Variants in CLEC12B observed in about 807,000 individuals in gnomAD.
The protein encoded by CLEC12B is C-type lectin domain family 12 member B, also known as macrophage antigen h.
Under a neutral mutation model 36.1 loss-of-function variants are expected in CLEC12B, and 25 were observed. The ratio of observed to expected loss-of-function variants is 0.69; its 90% confidence interval spans 0.50 to 0.97. The LOEUF is 0.97. Ranked by LOEUF, CLEC12B falls within the 50% of genes least tolerant of loss-of-function variation. The probability of loss-of-function intolerance (pLI) is 0.00; values close to 1 mark genes in which losing one functional copy is unlikely to be tolerated. For missense variants in CLEC12B, 325 were observed against 318.4 expected (o/e 1.02, Z -0.16); for synonymous variants, 110 against 108.5 (o/e 1.01, Z -0.09).
At chr12:10,012,748 A>G in intron 1 of CLEC12B, 37 bp from the exon 2 acceptor site, 1 of 1,498,768 alleles carries the variant, frequency 6.7e-7, no homozygotes, top group South Asian at 1.1e-5. Context: ...AGCACAAAGC[A>G]GTTCTGTGTG....
rs1865308780 is a variant in CLEC12B at position 10,010,775 on chromosome 12, A to G, written c.16A>G (p.Thr6Ala). The change falls in exon 1 of 6, where the codon ACC becomes GCC. Residue 6 changes from threonine (T) to alanine (A), a missense_variant. Thr to Ala is a moderately conservative substitution (Grantham distance 58, BLOSUM62 0). Coordinates refer to ENST00000338896, the MANE Select transcript of CLEC12B (RefSeq NM_001129998.3). MSEEV[T>A]YATLTFQDSA... is the part of the protein sequence containing the mutation. ...TTCTTCTACAATGTCTGAAGAAGTG[A>G]CCTACGCGACACTCACATTTCAGGA... The G allele has an allele frequency of 4.4e-6, 7 of 1,601,886 alleles. No homozygotes were observed. The highest frequency in any genetic ancestry group is 6.0e-6 in the Non-Finnish European group (7 of 1,169,290).
At chr12:10,017,780 A>G in intron 5 of CLEC12B, 1 of 874,470 alleles carries the variant, frequency 1.1e-6, no homozygotes, top group Non-Finnish European at 1.4e-6. Context: ...TTTCAGGATT[A>G]ACATCAATTT....
chr12:10,015,840 G>A, intron 5 of CLEC12B, 113 bp downstream of exon 5: 1 of 1,523,008 alleles, frequency 6.6e-7, no homozygotes, highest in Non-Finnish European at 8.8e-7. Context: ...ACAACATACT[G>A]AGAAAAGAGC....
upstream of CLEC12B, among the ~76,000 whole-genome samples, chr12:10,009,062 A>T (rs1489539087): frequency 6.6e-6 from 1 of 152,214 alleles, no homozygotes; most frequent in Non-Finnish European, 1.5e-5. Context: ...AATTGCGGTG[A>T]GGATTGAAAA....
chr12:10,012,132 A>T (rs1475185748), intron 1 of CLEC12B, among the ~76,000 whole-genome samples: 1 of 152,196 alleles, frequency 6.6e-6, no homozygotes, highest in Non-Finnish European at 1.5e-5. Flanking sequence ...TTCATTCATT[A>T]TTTATTAGGT....
intron 5 of CLEC12B, chr12:10,017,982 A>C (rs1865528978): frequency 1.1e-6 from 1 of 942,052 alleles, no homozygotes; most frequent in East Asian, 1.1e-4. Context: ...TTTTCTTCAT[A>C]AGGTCCCAAA....
rs1865547756 is a variant in CLEC12B at position 10,018,697 on chromosome 12, A to G, written c.*216A>G. ...TTCGGTCTTAAAATTATACCTGGGG[A>G]CAAAGGGGAATAGCCATACTATGGC... On this transcript the variant is annotated 3_prime_UTR_variant, in exon 6 of 6. Coordinates refer to ENST00000338896, the MANE Select transcript of CLEC12B (RefSeq NM_001129998.3). The G allele has an allele frequency of 1.9e-6, 1 of 514,010 alleles. No individual in the cohort carries two copies. 31.8% of individuals were successfully genotyped at this position (514,010 alleles called of 1,614,324 possible).
intron 3 of CLEC12B, 99 bp from the exon 4 acceptor site, chr12:10,015,153 C>G (rs1865448663): frequency 9.8e-7 from 1 of 1,021,158 alleles, no homozygotes; most frequent in African/African-American, 1.6e-5. Context: ...GGTGCAGGCT[C>G]TCAGTCCCTA....
upstream of CLEC12B, among the ~76,000 whole-genome samples, chr12:10,007,546 G>A (rs1360359823): frequency 6.6e-6 from 1 of 151,992 alleles, no homozygotes; most frequent in East Asian, 1.9e-4. Flanking sequence ...TAATGTTAAT[G>A]GAAAAGCCAG....
chr12:10,009,304 G>A (rs889747117), upstream of CLEC12B, among the ~76,000 whole-genome samples: 1 of 152,084 alleles, frequency 6.6e-6, no homozygotes, highest in Non-Finnish European at 1.5e-5. Context: ...TGAAGTCAGC[G>A]AGACCAGGAA....
chr12:10,014,736 C>A lies in CLEC12B; in HGVS notation c.404C>A (p.Thr135Asn). 1 of 1,611,076 alleles carries A rather than the reference C, an allele frequency of 6.2e-7. No homozygotes were observed. Among genetic ancestry groups the A allele is most frequent in the Non-Finnish European group, 8.5e-7 (1 of 1,177,458 alleles). ...IKLCQELIIH[T>N]SDHRCNPCPK... ...CTGTGCCAAGAGCTAATCATTCATACTTCAGGTAATCAGACTTAGTCCTGC... is the reference window on the plus strand; with the variant it reads ...CTGTGCCAAGAGCTAATCATTCATAATTCAGGTAATCAGACTTAGTCCTGC... Residue 135 changes from threonine (T) to asparagine (N), a missense_variant, in exon 3 of 6, where the codon ACT becomes AAT. By Grantham distance (65) the Thr-to-Asn change is moderately conservative. Coordinates refer to ENST00000338896, the MANE Select transcript of CLEC12B (RefSeq NM_001129998.3).
chr12:10,008,932 G>C (rs923230962), upstream of CLEC12B, among the ~76,000 whole-genome samples: 2 of 152,154 alleles, frequency 1.3e-5, no homozygotes, highest in Non-Finnish European at 2.9e-5. Flanking sequence ...AATCGAGTGG[G>C]GACTCAGGGA....
upstream of CLEC12B, among the ~76,000 whole-genome samples, chr12:10,010,392 C>T (rs1253722267): frequency 6.6e-6 from 1 of 152,164 alleles, no homozygotes; most frequent in African/African-American, 2.4e-5. Flanking sequence ...AAGAAGACAA[C>T]CTGACTCTTT....
chr12:10,015,959 A>G (rs1362052603), intron 5 of CLEC12B: 1 of 1,336,880 alleles, frequency 7.5e-7, no homozygotes, highest in South Asian at 1.8e-5. Flanking sequence ...TTTAACACAC[A>G]CACACACCTA....
chr12:10,010,657 G>A lies in CLEC12B; in HGVS notation c.-103G>A. On this transcript the variant is annotated 5_prime_UTR_variant, in exon 1 of 6. It adds an upstream start codon to the 5' untranslated region. Transcript: ENST00000338896. Reference sequence around the variant, plus strand: ...AGTAGAGTGTGTCTGGGTCAGCTGAGTGACTACATCAAAGCTCCCAGCCTT... The same window carrying A: ...AGTAGAGTGTGTCTGGGTCAGCTGAATGACTACATCAAAGCTCCCAGCCTT... 3.0e-6 allele frequency: 2 copies of A among 672,076 alleles called. No individual in the cohort carries two copies. Among genetic ancestry groups the A allele is most frequent in the Non-Finnish European group, 2.6e-6 (1 of 383,296 alleles). 41.6% of individuals were successfully genotyped at this position (672,076 alleles called of 1,614,324 possible).
At chr12:10,015,756 C>A in intron 5 of CLEC12B, 29 bp downstream of exon 5, 2 of 1,605,500 alleles carry the variant, frequency 1.2e-6, no homozygotes, top group Admixed American at 1.7e-5. Context: ...AGGGTAAACA[C>A]AAGCTTTCCA....
At chr12:10,010,196 T>TCACACA (rs1339450318), upstream of CLEC12B, among the ~76,000 whole-genome samples, 55 of 67,470 alleles carry the variant, frequency 8.2e-4, no homozygotes, top group Middle Eastern at 7.6e-3. Context: ...TCTCTGTCTC[T>TCACACA]CTCTCACACA....
chr12:10,006,783 T>C (rs569454100), upstream of CLEC12B, among the ~76,000 whole-genome samples: 35 of 152,052 alleles, frequency 2.3e-4, no homozygotes, highest in Admixed American at 1.5e-3. Flanking sequence ...GGGCCAGGCG[T>C]GGTGGCTCAC....
chr12:10,017,831 A>G, intron 5 of CLEC12B: 2 of 960,978 alleles, frequency 2.1e-6, no homozygotes, highest in Non-Finnish European at 2.5e-6. Context: ...AACCATATCT[A>G]TATAGTCAAT....
Sources: allele counts gnomAD v4.1 joint callset (sites outside exome capture counted in the v4.1 genomes callset), GRCh38; gene constraint gnomAD v4.1.1; transcripts MANE v1.5; gene names NCBI Gene and HGNC (gene_info 2026-07-23, HGNC 2026-07-21).